Variants in CSMD1 observed in about 807,000 individuals in gnomAD.
The protein encoded by CSMD1 is CUB and Sushi multiple domains 1.
CSMD1 carries 213 observed loss-of-function variants against 417.5 expected under a neutral mutation model. The ratio of observed to expected loss-of-function variants is 0.51; its 90% CI spans 0.46 to 0.57. The LOEUF is 0.57. Ranked by LOEUF, CSMD1 falls within the 20% of genes least tolerant of loss-of-function variation. The probability of loss-of-function intolerance (pLI) is 0.00; values close to 1 mark genes in which losing one functional copy is unlikely to be tolerated. For missense variants in CSMD1, 6,923 were observed against 4,529.7 expected, an observed-to-expected ratio of 1.53 and a Z score of -15.17; for synonymous variants, 2,862 against 1,736.8, an observed-to-expected ratio of 1.65 and a Z score of -16.11.
chr8:4,557,094 G>C (rs925502435), intron 2 of CSMD1, among the ~76,000 whole-genome samples: 1 of 152,100 alleles, frequency 6.6e-6, no homozygotes, highest in African/African-American at 2.4e-5. Context: ...ATAAAATGCT[G>C]TCAAAATGCA....
chr8:2,963,830 C>T (rs1803710910), intron 59 of CSMD1, among the ~76,000 whole-genome samples: 1 of 152,092 alleles, frequency 6.6e-6, no homozygotes, highest in Admixed American at 6.5e-5. Context: ...CATATAGTTT[C>T]CAAAAGACAC....
At chr8:3,825,049 T>C (rs1010250016) in intron 5 of CSMD1, among the ~76,000 whole-genome samples, 2 of 152,170 alleles carry the variant, frequency 1.3e-5, no homozygotes, top group Non-Finnish European at 2.9e-5. Flanking sequence ...TTAGGGAGAC[T>C]TCGCTGTGAT....
intron 2 of CSMD1, among the ~76,000 whole-genome samples, chr8:4,490,831 AAC>A (rs1474600913): frequency 6.6e-6 from 1 of 152,230 alleles, no homozygotes; most frequent in Non-Finnish European, 1.5e-5. Flanking sequence ...TAAAGTCGGA[AAC>A]ACATTATCCT....
At chr8:4,356,585 A>C (rs1801445033) in intron 3 of CSMD1, among the ~76,000 whole-genome samples, 1 of 152,062 alleles carries the variant, frequency 6.6e-6, no homozygotes, top group East Asian at 1.9e-4. Context: ...GTCCATTTTT[A>C]CCTCTATCCT....
rs532848128 is a variant in CSMD1, at chr8:4,138,028, C to A, written c.416-105929G>T. Among the ~76,000 whole-genome samples the A allele has an allele frequency of 3.6e-4, 51 of 140,400 alleles. No homozygotes were observed. The East Asian group carries it at 0.01, about 28-fold the overall frequency. 92.1% of individuals were successfully genotyped at this position (140,400 alleles called of 152,430 possible). A position where few individuals can be genotyped will look rare whatever the true frequency, so the allele number is the denominator to read the frequency against. On this transcript the variant is annotated intron_variant, in intron 3 of 69. Transcript: ENST00000635120. ...GAGTAGCTGCGACTAGAGGCGCCCGCCACCATGCCCGGCTAATTTTTTTTT... is the reference window on the plus strand; with the variant it reads ...GAGTAGCTGCGACTAGAGGCGCCCGACACCATGCCCGGCTAATTTTTTTTT...
intron 3 of CSMD1, among the ~76,000 whole-genome samples, chr8:4,240,727 G>A (rs974735610): frequency 6.6e-5 from 10 of 152,102 alleles, no homozygotes; most frequent in Non-Finnish European, 1.5e-4. Context: ...TGATGCCAAT[G>A]TTGCTCTTCC....
chr8:4,841,930 A>AAAAAAAAAAGAAAAC (rs1192383183), intron 1 of CSMD1, among the ~76,000 whole-genome samples: 1 of 122,426 alleles, frequency 8.2e-6, no homozygotes, highest in African/African-American at 3.3e-5. Flanking sequence ...AAAAAAAAAA[A>AAAAAAAAAAGAAAAC]AAAAAAAAGT....
chr8:4,079,183 A>T (rs1186720014), intron 3 of CSMD1, among the ~76,000 whole-genome samples: 1 of 152,066 alleles, frequency 6.6e-6, no homozygotes, highest in Non-Finnish European at 1.5e-5. Flanking sequence ...AATATAAGCT[A>T]ATGTTTTAGT....
intron 1 of CSMD1, among the ~76,000 whole-genome samples, chr8:4,815,312 G>A (rs575250345): frequency 1.3e-5 from 2 of 152,154 alleles, no homozygotes; most frequent in African/African-American, 4.8e-5. Flanking sequence ...TCAGCCTTCT[G>A]AGTTAGGCAA....
At chr8:4,874,333 T>C (rs943521350) in intron 1 of CSMD1, among the ~76,000 whole-genome samples, 1 of 151,784 alleles carries the variant, frequency 6.6e-6, no homozygotes, top group African/African-American at 2.4e-5. Context: ...GCAGTACTTA[T>C]TAATACATAA....
chr8:3,744,967 T>C (rs1796995633), intron 6 of CSMD1, among the ~76,000 whole-genome samples: 1 of 152,180 alleles, frequency 6.6e-6, no homozygotes, highest in African/African-American at 2.4e-5. Flanking sequence ...GGCTGAGGCC[T>C]TTTGTAGTAA....
At chr8:4,870,971 C>T (rs1323099734) in intron 1 of CSMD1, among the ~76,000 whole-genome samples, 1 of 152,076 alleles carries the variant, frequency 6.6e-6, no homozygotes, top group African/African-American at 2.4e-5. Flanking sequence ...TGAGAAGAGT[C>T]AGGGACTCAG....
intron 10 of CSMD1, among the ~76,000 whole-genome samples, chr8:3,538,346 T>C (rs78220737): frequency 0.012 from 1,847 of 152,188 alleles, 25 homozygotes; most frequent in South Asian, 0.051. Flanking sequence ...GCAACTGACA[T>C]GCTTCACCTG....
chr8:3,990,256 C>CT (rs1224244326), intron 5 of CSMD1, among the ~76,000 whole-genome samples: 3 of 152,118 alleles, frequency 2.0e-5, no homozygotes, highest in Admixed American at 6.6e-5. Flanking sequence ...TAAAAGACTT[C>CT]TTTTTTCATT....
intron 3 of CSMD1, among the ~76,000 whole-genome samples, chr8:4,106,954 G>C (rs546795265): frequency 6.6e-6 from 1 of 152,312 alleles, no homozygotes; most frequent in African/African-American, 2.4e-5. Flanking sequence ...CAGTTTCACA[G>C]GGAGAAGCTC....
chr8:3,456,093 C>G lies in CSMD1; in HGVS notation c.1561+12619G>C, dbSNP rs759684705. Among the ~76,000 whole-genome samples, 3 of 152,148 alleles carry G rather than the reference C, an allele frequency of 2.0e-5. No homozygotes were observed. The South Asian group carries it at 6.2e-4, about 32-fold the overall frequency. On this transcript the variant is annotated intron_variant, in intron 12 of 69. Transcript: ENST00000635120. Reference sequence around the variant, plus strand: ...TCAGCAATGAGCAAGCCTTCATGGGCGTAGGACCCTCAAAGCCAGGTGCAG... The same window carrying G: ...TCAGCAATGAGCAAGCCTTCATGGGGGTAGGACCCTCAAAGCCAGGTGCAG...
intron 3 of CSMD1, among the ~76,000 whole-genome samples, chr8:4,127,917 C>G (rs531913619): frequency 1.7e-3 from 263 of 152,280 alleles, no homozygotes; most frequent in African/African-American, 6.0e-3. Flanking sequence ...TACTCTGACT[C>G]CAGAGCATGC....
At chr8:3,453,465 C>G (rs1358521424) in intron 12 of CSMD1, among the ~76,000 whole-genome samples, 6 of 152,106 alleles carry the variant, frequency 3.9e-5, no homozygotes, top group African/African-American at 7.2e-5. Context: ...ATAAATTTCC[C>G]TCTACACACT....
intron 3 of CSMD1, among the ~76,000 whole-genome samples, chr8:4,302,084 C>G (rs949734017): frequency 6.6e-6 from 1 of 152,028 alleles, no homozygotes; most frequent in South Asian, 2.1e-4. Context: ...TATGAAGACC[C>G]CTTGTATAGT....
Sources: gnomAD v4.1 joint callset for allele counts (sites outside exome capture counted in the v4.1 genomes callset) on GRCh38, gnomAD v4.1.1 for gene constraint, MANE v1.5 for transcripts, NCBI Gene and HGNC (gene_info 2026-07-23, HGNC 2026-07-21) for gene names.